The following CKMT1A variants were observed in gnomAD, a reference collection of about 807,000 sequenced individuals.
CKMT1A encodes creatine kinase U-type, mitochondrial.
A neutral mutation model predicts 21.8 loss-of-function variants in CKMT1A; 23 were observed. That is an observed-to-expected ratio of 1.05 (90% CI 0.76 to 1.49). The LOEUF is 1.49. Ranked by LOEUF, CKMT1A falls within the 40% of genes most tolerant of loss-of-function variation. CKMT1A has a pLI of 0.00. For missense variants in CKMT1A, 154 were observed against 229.4 expected (o/e 0.67, Z 2.12); for synonymous variants, 67 against 80.4 (o/e 0.83, Z 0.89).
intron 6 of CKMT1A, chr15:43,696,617 G>A: frequency 1.7e-6 from 1 of 602,180 alleles, no homozygotes; most frequent in Non-Finnish European, 2.9e-6. Context: ...GTAATGCAAA[G>A]AAGGAATAAC....
At chr15:43,696,686 G>C in intron 6 of CKMT1A, 1 of 367,838 alleles carries the variant, frequency 2.7e-6, no homozygotes, top group Non-Finnish European at 5.0e-6. Flanking sequence ...GTGCAGATAA[G>C]GAAAACATTC....
At chr15:43,698,841 C>A in intron 8 of CKMT1A, 75 bp downstream of exon 8, 1 of 1,605,548 alleles carries the variant, frequency 6.2e-7, no homozygotes. Context: ...AGTGAGCCTC[C>A]GGGATGTAAC....
At chr15:43,697,561 C>T in intron 6 of CKMT1A, 1 of 984,530 alleles carries the variant, frequency 1.0e-6, no homozygotes, top group Non-Finnish European at 1.2e-6. Flanking sequence ...GTGCTCCGTT[C>T]ACAGCTAATA....
At chr15:43,698,938 G>A (rs750016674) in intron 8 of CKMT1A, 35 bp from the exon 9 acceptor site, 1 of 1,613,062 alleles carries the variant, frequency 6.2e-7, no homozygotes, top group South Asian at 1.1e-5. Flanking sequence ...AACTCAGACT[G>A]TAGGAAGCAG....
At chr15:43,697,980 T>G (rs1161088119) in intron 6 of CKMT1A, 34 bp from the exon 7 acceptor site, 1 of 1,613,492 alleles carries the variant, frequency 6.2e-7, no homozygotes, top group Non-Finnish European at 8.5e-7. Flanking sequence ...GAAATATCCC[T>G]GATTTTTCAT....
chr15:43,697,509 G>A (rs1231920291), intron 6 of CKMT1A: 3 of 984,458 alleles, frequency 3.0e-6, no homozygotes, highest in Admixed American at 1.2e-4. Context: ...CTATGAATCT[G>A]GCTTTCCTGC....
intron 6 of CKMT1A, chr15:43,697,204 T>G: frequency 8.1e-7 from 1 of 1,229,170 alleles, no homozygotes; most frequent in Non-Finnish European, 1.1e-6. Flanking sequence ...TAGGTTGTTG[T>G]GGGGATTAAG....
intron 6 of CKMT1A, chr15:43,697,259 G>A: frequency 8.1e-7 from 1 of 1,228,146 alleles, no homozygotes; most frequent in Non-Finnish European, 1.0e-6. Context: ...TGCTTAATAA[G>A]TGTTAAAGTG....
At chr15:43,697,532 T>A in intron 6 of CKMT1A, 6 of 984,842 alleles carry the variant, frequency 6.1e-6, no homozygotes, top group Non-Finnish European at 7.2e-6. Context: ...TGTTTTCATC[T>A]TTCTCTGCAT....
chr15:43,696,467 G>C (rs2412808), intron 6 of CKMT1A, 104 bp downstream of exon 6: 3 of 1,571,382 alleles, frequency 1.9e-6, no homozygotes, highest in African/African-American at 1.4e-5. Context: ...AGACATGTCT[G>C]ATGGTAAAAA....
chr15:43,697,111 A>G, intron 6 of CKMT1A: 1 of 620,982 alleles, frequency 1.6e-6, no homozygotes, highest in South Asian at 2.0e-5. Flanking sequence ...TATTCTGACT[A>G]TGAGTGGGTA....
chr15:43,698,340 G>T (rs2086482284), intron 7 of CKMT1A, among the ~76,000 whole-genome samples, 192 bp downstream of exon 7: 1 of 151,768 alleles, frequency 6.6e-6, no homozygotes, highest in African/African-American at 2.4e-5. Context: ...TTGAGCCCAG[G>T]AGTTCAAGAC....
At chr15:43,698,943 A>T (rs1373581971) in intron 8 of CKMT1A, 30 bp from the exon 9 acceptor site, 1 of 1,613,242 alleles carries the variant, frequency 6.2e-7, no homozygotes, top group South Asian at 1.1e-5. Flanking sequence ...AGACTGTAGG[A>T]AGCAGAGATC....
At position 43,698,779 on chromosome 15, in the gene CKMT1A, G is replaced by A. The variant is rs1437634943; in HGVS notation, c.1137+13G>A. 6.2e-7 allele frequency: 1 copy of A among 1,613,628 alleles called. No homozygotes were observed. Among genetic ancestry groups the A allele is most frequent in the South Asian group, 1.1e-5 (1 of 91,028 alleles). ...AGGCAAATCAGAGGTGAGATCCTAA[G>A]GGATTAGGATGAGGAGAGGTATAGG... On this transcript the variant is annotated intron_variant, in intron 8 of 8. Transcript: ENST00000413453.
chr15:43,698,046 G>C lies in CKMT1A; in HGVS notation c.909G>C (p.Glu303Asp). 6.2e-7 allele frequency: 1 copy of C among 1,613,506 alleles called. No individual in the cohort carries two copies. Among genetic ancestry groups the C allele is most frequent in the Non-Finnish European group, 8.5e-7 (1 of 1,179,776 alleles). ...GACTTATCCAAGAACGTGGCTGGGA[G>C]TTCATGTGGAATGAGCGTTTGGGAT... Reference protein sequence around the residue: ...VERLIQERGWEFMWNERLGYI... With the variant: ...VERLIQERGWDFMWNERLGYI... Residue 303 changes from glutamate to aspartate, a missense_variant, in exon 7 of 9, where the codon GAG (glutamate) becomes GAC (aspartate). Coordinates refer to ENST00000413453, the MANE Select transcript of CKMT1A (RefSeq NM_001321926.2).
intron 7 of CKMT1A, 26 bp from the exon 8 acceptor site, chr15:43,698,615 G>C (rs1322609810): frequency 6.2e-7 from 1 of 1,606,952 alleles, no homozygotes; most frequent in East Asian, 2.2e-5. Flanking sequence ...TATTGACCCT[G>C]CTCCCAATCC....
Position 43,697,109 on chromosome 15 carries a change from C to T in CKMT1A, c.876+746C>T, listed in dbSNP as rs1344028267. On this transcript the variant is annotated intron_variant, in intron 6 of 8. Coordinates refer to ENST00000413453, the MANE Select transcript of CKMT1A (RefSeq NM_001321926.2). The stretch of plus-strand genomic sequence containing the variant: ...GCAAGTAATAGATAACATATTCTGA[C>T]TATGAGTGGGTAGGGAAGTACCTTT... The T allele has an allele frequency of 7.5e-5, 46 of 612,278 alleles. No homozygotes were observed. The Admixed American group carries it at 1.4e-3, about 19-fold the overall frequency. The allele number at this position is 612,278 out of a possible 1,614,324, so 37.9% of individuals were successfully genotyped here.
At position 43,696,329 on chromosome 15, in the gene CKMT1A, G is replaced by A; in HGVS notation, c.842G>A (p.Arg281Lys). ...ATGGAGAAGGGTGGTAACATGAAGAGAGTGTTTGAAAGATTCTGCCGAGGC... is the reference window on the plus strand; with the variant it reads ...ATGGAGAAGGGTGGTAACATGAAGAAAGTGTTTGAAAGATTCTGCCGAGGC... ...ISMEKGGNMK[R>K]VFERFCRGLK... Residue 281 changes from arginine to lysine, a missense_variant, in exon 6 of 9, where the codon AGA becomes AAA. Coordinates refer to ENST00000413453, the MANE Select transcript of CKMT1A (RefSeq NM_001321926.2). 2 of 1,610,054 alleles carry A rather than the reference G, an allele frequency of 1.2e-6. No individual in the cohort carries two copies. The highest frequency in any genetic ancestry group is 1.7e-6 in the Non-Finnish European group (2 of 1,178,826).
intron 6 of CKMT1A, chr15:43,697,642 C>A (rs1458372376): frequency 5.1e-6 from 5 of 984,850 alleles, no homozygotes; most frequent in Non-Finnish European, 6.0e-6. Context: ...CTTCCAAGCT[C>A]TAGGCTCATT....
Sources: allele counts gnomAD v4.1 joint callset (sites outside exome capture counted in the v4.1 genomes callset), GRCh38; gene constraint gnomAD v4.1.1; transcripts MANE v1.5; gene names NCBI Gene and HGNC (gene_info 2026-07-23, HGNC 2026-07-21).